The following DAB1 variants were observed in gnomAD, a reference collection of about 807,000 sequenced individuals.
DAB1 encodes disabled homolog 1.
In DAB1, 15 loss-of-function variants were observed where a neutral mutation model predicts 64.6. The ratio of observed to expected loss-of-function variants is 0.23; its 90% CI spans 0.16 to 0.36. The LOEUF is 0.36. Ranked by LOEUF, DAB1 falls within the 10% of genes least tolerant of loss-of-function variation. DAB1 has a pLI of 1.00. For missense variants in DAB1, 596 were observed against 706.7 expected, an observed-to-expected ratio of 0.84 and a Z score of 1.78; for synonymous variants, 235 against 251.9, an observed-to-expected ratio of 0.93 and a Z score of 0.64.
chr1:58,365,136 G>A (rs1451648099), intron 3 of DAB1, among the ~76,000 whole-genome samples: 9 of 152,106 alleles, frequency 5.9e-5, no homozygotes, highest in Admixed American at 4.6e-4. Flanking sequence ...TCTCTTCTTG[G>A]TTCAGTGGCA....
chr1:57,600,334 A>G (rs1288063451), intron 7 of DAB1, among the ~76,000 whole-genome samples: 7 of 152,232 alleles, frequency 4.6e-5, no homozygotes, highest in African/African-American at 1.7e-4. Flanking sequence ...AGTCTAGAGA[A>G]AAATAAAAAA....
At chr1:58,296,258 AAAG>A in intron 4 of DAB1, among the ~76,000 whole-genome samples, 1 of 144,118 alleles carries the variant, frequency 6.9e-6, no homozygotes, top group East Asian at 2.0e-4. Flanking sequence ...AGAAAGAAAG[AAAG>A]AAAAGTGAGG....
In DAB1 at chr1:58,371,200, T is replaced by G. The variant is rs1333073928; in HGVS notation, n.258-27797A>C. 2.0e-5 allele frequency among the ~76,000 whole-genome samples: 3 copies of G among 152,268 alleles called. No homozygotes were observed. The East Asian group carries it at 5.8e-4, about 29-fold the overall frequency. ...AAGTCTGGGCTGAGGTGGTCTCAGA[T>G]GGAGATGAGGAACTTATTGGGAATT... is the stretch of plus-strand genomic sequence containing the variant. On this transcript the variant is annotated intron_variant and non_coding_transcript_variant, in intron 3 of 20. Coordinates refer to the DAB1 transcript ENST00000485760.
Position 58,375,319 on chromosome 1 carries a change from G to C in DAB1, n.258-31916C>G, listed in dbSNP as rs964243516. ...TCAGTATGATATTGGCTGTGGGTTT[G>C]TCATAGATAGCTCTTATTATTTTGA... On this transcript the variant is annotated intron_variant and non_coding_transcript_variant, in intron 3 of 20. Transcript: ENST00000485760. 6.7e-3 allele frequency among the ~76,000 whole-genome samples: 946 copies of C among 141,634 alleles called. 31 individuals carry two copies. Among genetic ancestry groups the C allele is most frequent in the African/African-American group, 0.025 (916 of 36,866 alleles). The allele number at this position is 141,634 out of a possible 152,430, so 92.9% of individuals were successfully genotyped here.
At chr1:57,407,392 C>A (rs1410272617) in intron 1 of DAB1, among the ~76,000 whole-genome samples, 2 of 152,170 alleles carry the variant, frequency 1.3e-5, no homozygotes, top group Admixed American at 1.3e-4. Flanking sequence ...AGAGTTCTGC[C>A]ATCATTCAAC....
At chr1:58,248,521 A>G (rs1388225286) in intron 4 of DAB1, among the ~76,000 whole-genome samples, 1 of 152,152 alleles carries the variant, frequency 6.6e-6, no homozygotes, top group Non-Finnish European at 1.5e-5. Flanking sequence ...CTGCCCTGGG[A>G]ACACCTCTAG....
chr1:57,230,565 A>G (rs933626022), intron 2 of DAB1, among the ~76,000 whole-genome samples: 2 of 152,140 alleles, frequency 1.3e-5, no homozygotes, highest in African/African-American at 2.4e-5. Context: ...GAACGTAAAC[A>G]TGAGCTTTGA....
intron 3 of DAB1, among the ~76,000 whole-genome samples, chr1:58,406,978 C>T (rs533928006): frequency 2.0e-5 from 3 of 152,216 alleles, no homozygotes; most frequent in African/African-American, 4.8e-5. Context: ...ACAGGGTGGG[C>T]GTGCTAATGT....
intron 5 of DAB1, among the ~76,000 whole-genome samples, chr1:58,126,042 T>C (rs1653055588): frequency 6.6e-6 from 1 of 152,062 alleles, no homozygotes; most frequent in African/African-American, 2.4e-5. Context: ...CTCCATTATA[T>C]AAGACCCCTT....
intron 7 of DAB1, among the ~76,000 whole-genome samples, chr1:57,461,292 A>C (rs779239367): frequency 1.3e-5 from 2 of 152,208 alleles, no homozygotes; most frequent in Non-Finnish European, 2.9e-5. Flanking sequence ...CCATCACTTC[A>C]GAAGATACAA....
intron 3 of DAB1, among the ~76,000 whole-genome samples, chr1:57,137,389 G>A (rs552806969): frequency 6.6e-6 from 1 of 152,314 alleles, no homozygotes; most frequent in South Asian, 2.1e-4. Flanking sequence ...AGTCCGTGGA[G>A]GGCAGGTCTG....
At chr1:57,417,823 C>A (rs995044976) in intron 1 of DAB1, among the ~76,000 whole-genome samples, 3 of 152,106 alleles carry the variant, frequency 2.0e-5, no homozygotes, top group African/African-American at 7.2e-5. Context: ...CCCAATTATG[C>A]CCATCCCTAA....
intron 7 of DAB1, among the ~76,000 whole-genome samples, chr1:57,512,568 C>T (rs1473298750): frequency 6.6e-6 from 1 of 152,196 alleles, no homozygotes. Context: ...TTAGGGAACA[C>T]AGTACCAGCA....
intron 2 of DAB1, among the ~76,000 whole-genome samples, chr1:57,209,055 G>A (rs1053987767): frequency 1.3e-5 from 2 of 152,240 alleles, no homozygotes; most frequent in African/African-American, 4.8e-5. Context: ...TGGCATGTCA[G>A]ATTCACCTAT....
At chr1:57,659,976 C>CAAAA (rs962695865) in intron 6 of DAB1, among the ~76,000 whole-genome samples, 1 of 63,620 alleles carries the variant, frequency 1.6e-5, no homozygotes, top group Non-Finnish European at 3.6e-5. Context: ...GGCTCTCTCT[C>CAAAA]AAAAATAAAT....
At chr1:57,839,396 C>T (rs894783916) in intron 1 of DAB1, among the ~76,000 whole-genome samples, 1 of 152,202 alleles carries the variant, frequency 6.6e-6, no homozygotes, top group African/African-American at 2.4e-5. Flanking sequence ...CTCTCCTATT[C>T]TTCTCTGATT....
At chr1:58,074,564 G>GTGTGTATATATATATATA (rs1332531604) in intron 5 of DAB1, 11 of 91,632 alleles carry the variant, frequency 1.2e-4, no homozygotes, top group African/African-American at 4.8e-4. Context: ...ATATATGTGT[G>GTGTGTATATATATATATA]TATATATATA....
intron 6 of DAB1, among the ~76,000 whole-genome samples, chr1:57,670,124 A>T (rs537928542): frequency 6.6e-6 from 1 of 152,278 alleles, no homozygotes; most frequent in East Asian, 1.9e-4. Context: ...CTGGCACTTC[A>T]TTAGACTCTT....
At chr1:58,111,598 T>A (rs367964395) in intron 5 of DAB1, among the ~76,000 whole-genome samples, 2 of 152,358 alleles carry the variant, frequency 1.3e-5, no homozygotes, top group East Asian at 3.9e-4. Context: ...AAACGTTGGA[T>A]CAGAGAATGA....
Sources: gnomAD v4.1 joint callset for allele counts (sites outside exome capture counted in the v4.1 genomes callset) on GRCh38, gnomAD v4.1.1 for gene constraint, MANE v1.5 for transcripts, NCBI Gene and HGNC (gene_info 2026-07-23, HGNC 2026-07-21) for gene names.